Variants in MBNL1 observed in about 807,000 individuals in gnomAD.
MBNL1 encodes the protein muscleblind-like protein 1.
A neutral mutation model predicts 42.2 loss-of-function variants in MBNL1; 8 were observed. That is an observed-to-expected ratio of 0.19 (90% CI 0.11 to 0.34). The LOEUF is 0.34. Among genes scored for constraint, MBNL1 ranks in the 10% least tolerant of loss-of-function variants. MBNL1 has a pLI of 1.00. For synonymous variants in MBNL1, 169 were observed against 173.9 expected, an observed-to-expected ratio of 0.97 and a Z score of 0.22; for missense variants, 309 against 495.3, an observed-to-expected ratio of 0.62 and a Z score of 3.57.
intron 2 of MBNL1, among the ~76,000 whole-genome samples, chr3:152,383,331 G>A (rs994173389): frequency 6.6e-6 from 1 of 152,038 alleles, no homozygotes; most frequent in African/African-American, 2.4e-5. Context: ...GCCCTGAAAT[G>A]TTATGTAATT....
chr3:152,306,205 T>G (rs1330785129), intron 2 of MBNL1, among the ~76,000 whole-genome samples: 1 of 152,236 alleles, frequency 6.6e-6, no homozygotes, highest in African/African-American at 2.4e-5. Flanking sequence ...CAGAAGTGAT[T>G]TAGACATTTT....
At chr3:152,426,284 A>G (rs535171701) in intron 3 of MBNL1, among the ~76,000 whole-genome samples, 1 of 152,152 alleles carries the variant, frequency 6.6e-6, no homozygotes, top group Non-Finnish European at 1.5e-5. Context: ...CACCATGTCC[A>G]TGTCACATGT....
At chr3:152,438,758 C>T (rs1225251165) in intron 4 of MBNL1, among the ~76,000 whole-genome samples, 1 of 152,184 alleles carries the variant, frequency 6.6e-6, no homozygotes, top group Non-Finnish European at 1.5e-5. Context: ...TCAACTTTTT[C>T]ATCGTTTACT....
chr3:152,442,394 A>C (rs1041959650), intron 4 of MBNL1, among the ~76,000 whole-genome samples: 2 of 152,242 alleles, frequency 1.3e-5, no homozygotes, highest in Non-Finnish European at 2.9e-5. Flanking sequence ...TAGCTATACT[A>C]TAATTACAAT....
chr3:152,414,924 T>C lies in MBNL1; in HGVS notation c.175-17T>C, dbSNP rs760213824. On this transcript the variant is annotated splice_polypyrimidine_tract_variant and intron_variant, in intron 2 of 9. Coordinates refer to ENST00000324210, the MANE Select transcript of MBNL1 (RefSeq NM_021038.5). ...TATTCTTTTCTAAGATGATGTTTGC[T>C]GCTTTTGTTTCTCTAGGGCCGTTGC... 3.1e-6 allele frequency: 5 copies of C among 1,607,534 alleles called. No individual in the cohort carries two copies. The highest frequency in any genetic ancestry group is 4.2e-6 in the Non-Finnish European group (5 of 1,178,150).
At chr3:152,301,724 A>G (rs1422064132) in intron 2 of MBNL1, among the ~76,000 whole-genome samples, 2 of 152,226 alleles carry the variant, frequency 1.3e-5, no homozygotes, top group Non-Finnish European at 2.9e-5. Flanking sequence ...GAGAGGCATC[A>G]GTGAAGGGCA....
chr3:152,349,461 T>TG (rs1047151144), intron 2 of MBNL1, among the ~76,000 whole-genome samples: 13 of 151,960 alleles, frequency 8.6e-5, no homozygotes, highest in African/African-American at 2.9e-4. Context: ...TGTTAAAAAA[T>TG]GAAAAAAAAT....
chr3:152,376,958 G>C (rs889471499), intron 2 of MBNL1, among the ~76,000 whole-genome samples: 2 of 151,644 alleles, frequency 1.3e-5, no homozygotes, highest in Non-Finnish European at 2.9e-5. Flanking sequence ...CCTTTTCCCC[G>C]TACTTCCCCT....
intron 1 of MBNL1, among the ~76,000 whole-genome samples, chr3:152,271,939 A>G (rs2042156667): frequency 6.6e-6 from 1 of 152,136 alleles, no homozygotes; most frequent in African/African-American, 2.4e-5. Context: ...AAAGTAAAAC[A>G]TCTGATTAAT....
chr3:152,432,683 G>A (rs766231290), intron 3 of MBNL1, 34 bp from the exon 4 acceptor site: 2 of 1,581,082 alleles, frequency 1.3e-6, no homozygotes, highest in South Asian at 2.2e-5. Context: ...GCTGAGACCT[G>A]CATGTTAAAT....
At chr3:152,351,627 G>C (rs1166451612) in intron 2 of MBNL1, among the ~76,000 whole-genome samples, 1 of 152,108 alleles carries the variant, frequency 6.6e-6, no homozygotes, top group African/African-American at 2.4e-5. Flanking sequence ...ACTTATAGGA[G>C]GGGTTTTAAG....
chr3:152,400,167 T>G (rs1450952667), intron 2 of MBNL1, among the ~76,000 whole-genome samples: 1 of 152,188 alleles, frequency 6.6e-6, no homozygotes, highest in African/African-American at 2.4e-5. Flanking sequence ...ATGGTAGACG[T>G]TGTAATTACC....
intron 2 of MBNL1, among the ~76,000 whole-genome samples, chr3:152,256,068 TAA>T (rs2035407494): frequency 6.6e-6 from 1 of 152,150 alleles, no homozygotes; most frequent in African/African-American, 2.4e-5. Context: ...GCACGTGTCT[TAA>T]TTGGGGATGG....
chr3:152,391,196 T>C (rs996323628), intron 2 of MBNL1, among the ~76,000 whole-genome samples: 1 of 152,250 alleles, frequency 6.6e-6, no homozygotes, highest in African/African-American at 2.4e-5. Flanking sequence ...ATCTTTCTGC[T>C]TTTTGAGTTC....
intron 2 of MBNL1, among the ~76,000 whole-genome samples, chr3:152,309,739 C>T (rs528914755): frequency 1.3e-5 from 2 of 152,238 alleles, no homozygotes; most frequent in South Asian, 2.1e-4. Flanking sequence ...CATATTACTG[C>T]ATTCAGACGA....
intron 2 of MBNL1, among the ~76,000 whole-genome samples, chr3:152,385,996 G>A (rs937683913): frequency 2.0e-5 from 3 of 151,898 alleles, no homozygotes; most frequent in African/African-American, 7.2e-5. Context: ...TTTAACATGT[G>A]GTATTTAGAA....
chr3:152,459,600 T>C (rs182330282), intron 9 of MBNL1, among the ~76,000 whole-genome samples: 10 of 152,168 alleles, frequency 6.6e-5, no homozygotes, highest in Admixed American at 2.0e-4. Context: ...ATAAAGAAAA[T>C]GTATGACCAA....
At chr3:152,367,871 G>A (rs184371671) in intron 2 of MBNL1, among the ~76,000 whole-genome samples, 1 of 150,446 alleles carries the variant, frequency 6.6e-6, no homozygotes, top group Non-Finnish European at 1.5e-5. Context: ...CTTTTTGATG[G>A]TTTTTTTTTC....
chr3:152,379,663 T>A (rs1442933983), intron 2 of MBNL1, among the ~76,000 whole-genome samples: 1 of 152,200 alleles, frequency 6.6e-6, no homozygotes, highest in African/African-American at 2.4e-5. Flanking sequence ...ATTTTCTAAA[T>A]GACATCTACA....
Sources: allele counts gnomAD v4.1 joint callset (sites outside exome capture counted in the v4.1 genomes callset), GRCh38; gene constraint gnomAD v4.1.1; transcripts MANE v1.5; gene names NCBI Gene and HGNC (gene_info 2026-07-23, HGNC 2026-07-21).